CCBE1: variants seen among roughly 807,000 people sequenced by gnomAD.
The protein encoded by CCBE1 is collagen and calcium binding EGF domains 1.
In CCBE1, 37 loss-of-function variants were observed where a neutral mutation model predicts 50.0. The observed-to-expected ratio is 0.74, with a 90% CI of 0.57 to 0.97. The LOEUF is 0.97. Ranked by LOEUF, CCBE1 falls within the 50% of genes least tolerant of loss-of-function variation. The probability of loss-of-function intolerance (pLI) is 0.00; values close to 1 mark genes in which losing one functional copy is unlikely to be tolerated. For synonymous variants in CCBE1, 234 were observed against 203.7 expected, an observed-to-expected ratio of 1.15 and a Z score of -1.27; for missense variants, 538 against 523.8, an observed-to-expected ratio of 1.03 and a Z score of -0.26.
At chr18:59,572,953 G>A (rs1418197380) in intron 2 of CCBE1, among the ~76,000 whole-genome samples, 1 of 152,068 alleles carries the variant, frequency 6.6e-6, no homozygotes, top group African/African-American at 2.4e-5. Context: ...TAAACATCCA[G>A]TATCAGTAGA....
At chr18:59,557,064 A>C (rs541695004) in intron 2 of CCBE1, among the ~76,000 whole-genome samples, 1 of 152,268 alleles carries the variant, frequency 6.6e-6, no homozygotes, top group Admixed American at 6.5e-5. Context: ...TGCAGCTCAC[A>C]GGCCAGCAGC....
intron 2 of CCBE1, among the ~76,000 whole-genome samples, chr18:59,642,677 C>T (rs1412115305): frequency 1.3e-5 from 2 of 152,112 alleles, no homozygotes; most frequent in African/African-American, 4.8e-5. Flanking sequence ...GGGCCGGGCG[C>T]GGTGGCTCAC....
At chr18:59,579,099 C>G (rs1403188035) in intron 2 of CCBE1, among the ~76,000 whole-genome samples, 1 of 152,130 alleles carries the variant, frequency 6.6e-6, no homozygotes, top group East Asian at 1.9e-4. Context: ...TCTCAGAATA[C>G]TAGATGATTT....
rs535404079 is a variant in CCBE1 at position 59,593,071 on chromosome 18, G to T, written c.212+103558C>A. Among the ~76,000 whole-genome samples the T allele has an allele frequency of 3.9e-5, 6 of 152,272 alleles. No individual in the cohort carries two copies. In the South Asian group the frequency reaches 8.3e-4, roughly 21 times the overall value. On this transcript the variant is annotated intron_variant, in intron 2 of 10. Transcript: ENST00000439986. The stretch of plus-strand genomic sequence containing the variant: ...AGTGGTTAATTTGGGAGATATGGAA[G>T]GGTTTGTGCTTTAGGACATGGAGGG...
At chr18:59,453,122 G>A (rs937073404) in intron 6 of CCBE1, among the ~76,000 whole-genome samples, 2 of 152,132 alleles carry the variant, frequency 1.3e-5, no homozygotes, top group Non-Finnish European at 2.9e-5. Context: ...AATGACTTGC[G>A]CTATTTAGCC....
intron 2 of CCBE1, among the ~76,000 whole-genome samples, chr18:59,642,931 AGAGT>A (rs1181467974): frequency 7.1e-6 from 1 of 140,504 alleles, no homozygotes; most frequent in African/African-American, 2.7e-5. Flanking sequence ...CCCTGGCAAC[AGAGT>A]GAGACTCCAC....
intron 2 of CCBE1, among the ~76,000 whole-genome samples, chr18:59,482,966 T>C (rs1912647351): frequency 6.6e-6 from 1 of 152,100 alleles, no homozygotes; most frequent in Non-Finnish European, 1.5e-5. Context: ...TCTCGCTCAT[T>C]TGTGTTTGGG....
At chr18:59,563,896 A>G (rs951944631) in intron 2 of CCBE1, 2 of 152,192 alleles carry the variant, frequency 1.3e-5, no homozygotes, top group Non-Finnish European at 2.9e-5. Flanking sequence ...GTGGGCTGGA[A>G]TAAGTTAACT....
intron 2 of CCBE1, among the ~76,000 whole-genome samples, chr18:59,564,378 C>T (rs1296194516): frequency 2.0e-5 from 3 of 152,144 alleles, no homozygotes; most frequent in Non-Finnish European, 4.4e-5. Context: ...TATATACACA[C>T]ACACATATAA....
intron 2 of CCBE1, among the ~76,000 whole-genome samples, chr18:59,521,556 C>T (rs569998130): frequency 6.2e-4 from 94 of 152,252 alleles, no homozygotes; most frequent in African/African-American, 2.2e-3. Flanking sequence ...GAGTCTGTTC[C>T]CTCTTCCCAC....
chr18:59,471,744 G>C (rs150473473), intron 3 of CCBE1, among the ~76,000 whole-genome samples: 105 of 152,304 alleles, frequency 6.9e-4, no homozygotes, highest in Non-Finnish European at 1.1e-3. Context: ...CACACATAGA[G>C]ACACAGACAG....
intron 5 of CCBE1, among the ~76,000 whole-genome samples, chr18:59,458,612 TAACTTGCCTTAGGTCTTTCAGA>T (rs1333149540): frequency 1.3e-5 from 2 of 152,224 alleles, no homozygotes; most frequent in African/African-American, 4.8e-5. Context: ...AGAGAGACAG[TAACTTGCCTTAGGTCTTTCAGA>T]TTGCTGTGCG....
intron 5 of CCBE1, among the ~76,000 whole-genome samples, chr18:59,458,594 AGAT>A (rs1384550579): frequency 1.3e-5 from 2 of 152,226 alleles, no homozygotes; most frequent in African/African-American, 4.8e-5. Flanking sequence ...GATGACAGTG[AGAT>A]CCAGAGAGAG....
At chr18:59,661,865 G>T (rs1357789668) in intron 2 of CCBE1, among the ~76,000 whole-genome samples, 1 of 151,808 alleles carries the variant, frequency 6.6e-6, no homozygotes, top group Non-Finnish European at 1.5e-5. Context: ...TACTTGGGAG[G>T]CTGAGGCAGG....
intron 2 of CCBE1, among the ~76,000 whole-genome samples, chr18:59,493,332 C>T (rs965853414): frequency 2.0e-4 from 31 of 152,144 alleles, no homozygotes; most frequent in African/African-American, 7.0e-4. Flanking sequence ...ATTCATGTAA[C>T]ACCGAAAGTA....
chr18:59,447,697 A>C (rs1910741236), intron 7 of CCBE1, among the ~76,000 whole-genome samples: 1 of 152,128 alleles, frequency 6.6e-6, no homozygotes, highest in African/African-American at 2.4e-5. Flanking sequence ...GGTTTAAGAT[A>C]GTTTTCATTT....
intron 2 of CCBE1, among the ~76,000 whole-genome samples, chr18:59,554,396 T>C (rs905434575): frequency 1.3e-5 from 2 of 152,240 alleles, no homozygotes; most frequent in Non-Finnish European, 2.9e-5. Flanking sequence ...TTTAAGACCA[T>C]GTGCATGCAT....
At chr18:59,614,283 A>G (rs893888676) in intron 2 of CCBE1, among the ~76,000 whole-genome samples, 5 of 152,164 alleles carry the variant, frequency 3.3e-5, no homozygotes, top group Non-Finnish European at 5.9e-5. Context: ...TACAGGCATG[A>G]GCCATCGTGC....
At chr18:59,510,889 ATC>A (rs1914103657) in intron 2 of CCBE1, among the ~76,000 whole-genome samples, 1 of 152,148 alleles carries the variant, frequency 6.6e-6, no homozygotes, top group Non-Finnish European at 1.5e-5. Context: ...ATTCTCCTGA[ATC>A]TCTCTTACTG....
Sources: allele counts gnomAD v4.1 joint callset (sites outside exome capture counted in the v4.1 genomes callset), GRCh38; gene constraint gnomAD v4.1.1; transcripts MANE v1.5; gene names NCBI Gene and HGNC (gene_info 2026-07-23, HGNC 2026-07-21).